Variants in UNC80 observed in about 807,000 individuals in gnomAD.
UNC80 encodes the protein protein unc-80 homolog.
A neutral mutation model predicts 384.6 loss-of-function variants in UNC80; 164 were observed. That is an observed-to-expected ratio of 0.43 (90% CI 0.38 to 0.49). The LOEUF is 0.49. Among genes scored for constraint, UNC80 ranks in the 20% least tolerant of loss-of-function variants. The pLI, the probability that UNC80 is intolerant of heterozygous loss-of-function variation, is 0.00. For missense variants in UNC80, 3,330 were observed against 4,143.0 expected (o/e 0.80, Z 5.39); for synonymous variants, 1,486 against 1,527.8 (o/e 0.97, Z 0.64).
intron 14 of UNC80, among the ~76,000 whole-genome samples, chr2:209,827,775 C>A (rs1453630472): frequency 6.6e-6 from 1 of 152,136 alleles, no homozygotes; most frequent in East Asian, 1.9e-4. Context: ...CTCACCTTTA[C>A]CAGACAAGGT....
intron 28 of UNC80, among the ~76,000 whole-genome samples, chr2:209,902,451 T>G (rs1574949574): frequency 6.6e-6 from 1 of 152,142 alleles, no homozygotes; most frequent in Non-Finnish European, 1.5e-5. Context: ...TTGAAAGAAG[T>G]TCTACTGTGA....
intron 47 of UNC80, among the ~76,000 whole-genome samples, chr2:209,951,171 A>G (rs972016202): frequency 6.7e-5 from 10 of 149,610 alleles, no homozygotes; most frequent in African/African-American, 2.5e-4. Flanking sequence ...CCTGTCTCAA[A>G]TAAATTAATT....
chr2:209,993,977 G>A, intron 63 of UNC80, 88 bp from the exon 64 acceptor site: 4 of 1,160,148 alleles, frequency 3.4e-6, no homozygotes, highest in Non-Finnish European at 4.7e-6. Flanking sequence ...AAAATCCCCA[G>A]GAGACACTGG....
intron 22 of UNC80, among the ~76,000 whole-genome samples, chr2:209,855,219 C>G (rs2082816251): frequency 6.6e-6 from 1 of 152,208 alleles, no homozygotes; most frequent in Non-Finnish European, 1.5e-5. Context: ...ACCACATGTT[C>G]TCACTTATAA....
At chr2:209,777,911 A>C (rs2076954073) in intron 4 of UNC80, among the ~76,000 whole-genome samples, 1 of 152,184 alleles carries the variant, frequency 6.6e-6, no homozygotes, top group Non-Finnish European at 1.5e-5. Context: ...ATTTGAAACC[A>C]TGACAGCCAT....
chr2:209,846,657 C>A (rs2082192366), intron 21 of UNC80, among the ~76,000 whole-genome samples: 1 of 152,014 alleles, frequency 6.6e-6, no homozygotes, highest in Non-Finnish European at 1.5e-5. Flanking sequence ...ATTATAATTA[C>A]ACCTCAATAT....
At chr2:209,812,250 C>T (rs1422117619) in intron 7 of UNC80, among the ~76,000 whole-genome samples, 2 of 149,214 alleles carry the variant, frequency 1.3e-5, no homozygotes, top group Non-Finnish European at 3.0e-5. Flanking sequence ...TTAGTAGAGA[C>T]GGGGTTTCAC....
intron 31 of UNC80, 108 bp from the exon 32 acceptor site, chr2:209,917,669 A>G (rs1033166060): frequency 1.5e-6 from 2 of 1,328,920 alleles, no homozygotes; most frequent in African/African-American, 2.9e-5. Flanking sequence ...AGCTCCATAT[A>G]GCTCAGGAGT....
rs894930749 is a variant in UNC80, at chr2:209,839,645, G to C, written c.3250+215G>C. Among the ~76,000 whole-genome samples the C allele has an allele frequency of 6.6e-6, 1 of 152,032 alleles. No homozygotes were observed. Among genetic ancestry groups the C allele is most frequent in the Non-Finnish European group, 1.5e-5 (1 of 68,036 alleles). ...TGCAATCACTACACTAGCCATCAAG[G>C]ATTAAATAGCAAGCAAATACACACA... On this transcript the variant is annotated intron_variant, in intron 19 of 64. Transcript: ENST00000673920. The surrounding 1 kb of genome is among the most constrained non-coding windows in gnomAD (Gnocchi z 4.1).
Position 209,849,737 on chromosome 2 carries a change from C to A in UNC80, c.3627+114C>A, listed in dbSNP as rs902689171. On this transcript the variant is annotated intron_variant, in intron 22 of 64. Coordinates refer to ENST00000673920, the MANE Select transcript of UNC80 (RefSeq NM_001371986.1). ...TCCTGTGTTTGTTTGTTTGCTTTTTCAGAATTAGTGATAAAAGGGGGAAGA... is the reference window on the plus strand; with the variant it reads ...TCCTGTGTTTGTTTGTTTGCTTTTTAAGAATTAGTGATAAAAGGGGGAAGA... 17 of 1,137,882 alleles carry A rather than the reference C, an allele frequency of 1.5e-5. No homozygotes were observed. The African/African-American group carries it at 2.5e-4, about 17-fold the overall frequency. 70.5% of individuals were successfully genotyped at this position (1,137,882 alleles called of 1,614,324 possible).
Position 209,993,345 on chromosome 2 carries a change from A to G in UNC80, c.9427A>G (p.Thr3143Ala), listed in dbSNP as rs2093426054. ...ACGTCCTCTACTATCACGTCAGAAA[A>G]CTCAGACTGAACCCAGAAATCGCCA... is the stretch of plus-strand genomic sequence containing the variant. ...LRRPLLSRQK[T>A]QTEPRNRQGA... The change falls in exon 63 of 65, where the codon ACT becomes GCT. Residue 3143 changes from threonine to alanine, a missense_variant. Transcript: ENST00000673920. 6.4e-6 allele frequency: 10 copies of G among 1,551,920 alleles called. No homozygotes were observed. Among genetic ancestry groups the G allele is most frequent in the Non-Finnish European group, 7.8e-6 (9 of 1,147,012 alleles).
chr2:209,868,776 C>A (rs765481860), intron 22 of UNC80, among the ~76,000 whole-genome samples: 1 of 152,124 alleles, frequency 6.6e-6, no homozygotes, highest in Non-Finnish European at 1.5e-5. Context: ...CAAGATTGAA[C>A]TATATGAAAT....
chr2:209,830,419 T>C (rs868199677), intron 15 of UNC80, among the ~76,000 whole-genome samples: 1 of 152,220 alleles, frequency 6.6e-6, no homozygotes, highest in African/African-American at 2.4e-5. Flanking sequence ...TTCTCCTTTT[T>C]AAACTATTTG....
At chr2:209,866,535 G>GACACACAC (rs2124872892) in intron 22 of UNC80, among the ~76,000 whole-genome samples, 1 of 107,602 alleles carries the variant, frequency 9.3e-6, no homozygotes, top group African/African-American at 4.0e-5. Flanking sequence ...CACACACACA[G>GACACACAC]AGAGAGAGAG....
intron 7 of UNC80, among the ~76,000 whole-genome samples, chr2:209,810,022 G>A (rs1447609084): frequency 6.6e-6 from 1 of 152,218 alleles, no homozygotes; most frequent in East Asian, 1.9e-4. Flanking sequence ...CCCTCCGCGA[G>A]GTTTGACTAT....
intron 49 of UNC80, 65 bp downstream of exon 49, chr2:209,957,801 G>C: frequency 6.9e-7 from 1 of 1,443,602 alleles, no homozygotes; most frequent in Non-Finnish European, 9.5e-7. Context: ...GTCAGCTGTT[G>C]AGAATGAAAG....
Position 209,941,375 on chromosome 2 carries a change from G to C in UNC80, c.6801G>C (p.Pro2267=). The C allele has an allele frequency of 4.5e-6, 7 of 1,551,248 alleles. No homozygotes were observed. Among genetic ancestry groups the C allele is most frequent in the Non-Finnish European group, 6.1e-6 (7 of 1,146,702 alleles). The stretch of plus-strand genomic sequence containing the variant: ...TTAACGGGGCTCTGATCCTCCACCC[G>C]GAAGACAGTGCCCTGCTCAGGCAGT... ...NVFNGALILH[P]EDSALLRQYA... Residue 2267 remains proline (P), a synonymous_variant, in exon 44 of 65, where the codon CCG becomes CCC. Coordinates refer to ENST00000673920, the MANE Select transcript of UNC80 (RefSeq NM_001371986.1).
At chr2:209,885,921 C>T (rs530987458) in intron 25 of UNC80, among the ~76,000 whole-genome samples, 4 of 151,886 alleles carry the variant, frequency 2.6e-5, no homozygotes, top group African/African-American at 4.8e-5. Flanking sequence ...CCTGCCATCA[C>T]GCCCACCTAA....
chr2:209,964,994 A>G (rs1015951779), intron 51 of UNC80, among the ~76,000 whole-genome samples: 6 of 152,166 alleles, frequency 3.9e-5, no homozygotes, highest in African/African-American at 1.2e-4. Flanking sequence ...GTTAAATGTC[A>G]TACTGTGTTG....
Sources: allele counts gnomAD v4.1 joint callset (sites outside exome capture counted in the v4.1 genomes callset), GRCh38; gene constraint gnomAD v4.1.1; non-coding constraint Gnocchi (gnomAD v3.1); transcripts MANE v1.5; gene names NCBI Gene and HGNC (gene_info 2026-07-23, HGNC 2026-07-21).